VPS13A: variants seen among roughly 807,000 people sequenced by gnomAD.
The protein encoded by VPS13A is intermembrane lipid transfer protein VPS13A.
VPS13A carries 264 observed loss-of-function variants against 390.9 expected under a neutral mutation model. The observed-to-expected ratio is 0.68, with a 90% CI of 0.61 to 0.75. The LOEUF (loss-of-function observed/expected upper bound fraction) is 0.75. Among genes scored for constraint, VPS13A ranks in the 30% least tolerant of loss-of-function variants. VPS13A has a pLI of 0.00. For missense variants in VPS13A, 3,409 were observed against 3,733.9 expected (o/e 0.91, Z 2.27); for synonymous variants, 1,231 against 1,227.1 (o/e 1.00, Z -0.07).
intron 7 of VPS13A, among the ~76,000 whole-genome samples, chr9:77,212,631 CA>C (rs1284860909): frequency 1.3e-5 from 2 of 152,122 alleles, no homozygotes; most frequent in Non-Finnish European, 2.9e-5. Flanking sequence ...CCACTGCACC[CA>C]ATGATACCTG....
rs370945319 is a variant in VPS13A at position 77,359,416 on chromosome 9, T to C, written c.8105+14T>C. ...ATCACGTATTAAGTAAGTGTCTTAATACATTTCTTGTATATTTATTTAATG... is the reference window on the plus strand; with the variant it reads ...ATCACGTATTAAGTAAGTGTCTTAACACATTTCTTGTATATTTATTTAATG... On this transcript the variant is annotated intron_variant, in intron 58 of 71. Coordinates refer to ENST00000360280, the MANE Select transcript of VPS13A (RefSeq NM_033305.3). 3.4e-5 allele frequency: 54 copies of C among 1,595,392 alleles called. No individual in the cohort carries two copies. The highest frequency in any genetic ancestry group is 1.3e-4 in the Admixed American group (8 of 59,922).
At chr9:77,329,638 T>C (rs976248378) in intron 45 of VPS13A, among the ~76,000 whole-genome samples, 3 of 152,198 alleles carry the variant, frequency 2.0e-5, no homozygotes, top group African/African-American at 7.2e-5. Context: ...TACCAAAATA[T>C]GACAGTGAGG....
chr9:77,226,139 T>G, intron 14 of VPS13A, 151 bp downstream of exon 14: 1 of 699,272 alleles, frequency 1.4e-6, no homozygotes, highest in Non-Finnish European at 2.3e-6. Flanking sequence ...TTTAATATTT[T>G]TTGGCACATC....
chr9:77,208,375 T>C (rs1052689134), intron 5 of VPS13A, among the ~76,000 whole-genome samples: 1 of 152,062 alleles, frequency 6.6e-6, no homozygotes, highest in East Asian at 1.9e-4. Flanking sequence ...AAAAGATAGA[T>C]TTATATGTAT....
At chr9:77,340,844 A>G (rs1830769399) in intron 50 of VPS13A, 1 of 336,300 alleles carries the variant, frequency 3.0e-6, no homozygotes, top group African/African-American at 2.1e-5. Flanking sequence ...AATGCACCAA[A>G]GAGAAGGAAA....
chr9:77,411,349 A>G (rs901233971), intron 71 of VPS13A, among the ~76,000 whole-genome samples: 1 of 152,126 alleles, frequency 6.6e-6, no homozygotes, highest in African/African-American at 2.4e-5. Context: ...AAAATCTAAA[A>G]TTGACACCCT....
In VPS13A at chr9:77,177,757, A is replaced by C; in HGVS notation, c.53A>C (p.Tyr18Ser). The change falls in exon 1 of 72, where the codon TAT becomes TCT. Residue 18 changes from tyrosine to serine, a missense_variant. By Grantham distance (144) the Tyr-to-Ser change is moderately radical. Around this residue, in one of 5 missense-constraint regions of VPS13A, gnomAD observed 2,717 missense variants for 2,917.4 expected, o/e 0.93. Coordinates refer to ENST00000360280, the MANE Select transcript of VPS13A (RefSeq NM_033305.3). ...VDVLNRFLGDYVVDLDTSQLS... is the reference protein window; with the variant it reads ...VDVLNRFLGDSVVDLDTSQLS... The stretch of plus-strand genomic sequence containing the variant: ...GTGTTGAACCGGTTCTTGGGGGACT[A>C]TGTGGTGGACTTGGACACGTCCCAG... 2 of 1,613,500 alleles carry C rather than the reference A, an allele frequency of 1.2e-6. No homozygotes were observed. The highest frequency in any genetic ancestry group is 1.7e-6 in the Non-Finnish European group (2 of 1,179,628).
chr9:77,202,583 T>C (rs1277267375), intron 3 of VPS13A, among the ~76,000 whole-genome samples: 1 of 152,176 alleles, frequency 6.6e-6, no homozygotes, highest in African/African-American at 2.4e-5. Flanking sequence ...TACATATTTT[T>C]ATATAACTTT....
rs147414049 is a variant in VPS13A at position 77,333,262 on chromosome 9, T to C, written c.6095+1149T>C. 1.5e-3 allele frequency among the ~76,000 whole-genome samples: 232 copies of C among 152,250 alleles called. 1 individual carries two copies. The highest frequency in any genetic ancestry group is 5.4e-3 in the African/African-American group (223 of 41,562). ...GTCCATAGTAGAGAAAACAGTACCT[T>C]TATACTTTTTCCAAGGCTGAATATT... On this transcript the variant is annotated intron_variant, in intron 46 of 71. Coordinates refer to ENST00000360280, the MANE Select transcript of VPS13A (RefSeq NM_033305.3).
intron 17 of VPS13A, among the ~76,000 whole-genome samples, chr9:77,236,881 C>T (rs1174625625): frequency 6.6e-6 from 1 of 152,022 alleles, no homozygotes; most frequent in Non-Finnish European, 1.5e-5. Flanking sequence ...TCTCCCTGTT[C>T]TTATCAAGTT....
chr9:77,309,108 G>A (rs767637881), intron 35 of VPS13A, among the ~76,000 whole-genome samples: 1 of 152,110 alleles, frequency 6.6e-6, no homozygotes, highest in Non-Finnish European at 1.5e-5. Flanking sequence ...CATTCTAAGA[G>A]GATTTTGAGA....
At chr9:77,210,216 T>TCC in intron 6 of VPS13A, among the ~76,000 whole-genome samples, 2 of 121,728 alleles carry the variant, frequency 1.6e-5, no homozygotes, top group Admixed American at 8.5e-5. Context: ...TCTTCTCCTC[T>TCC]TCTCTCCCCT....
rs776130682 is a variant in VPS13A at position 77,205,959 on chromosome 9, CT to C, written c.284-14del. On this transcript the variant is annotated intron_variant, in intron 4 of 71. Transcript: ENST00000360280. ...AAATTTAAGGTAGTTATGATTCTTC[CT>C]TTTTAATCTTCCTATAGGAATAAAA... 2.0e-6 allele frequency: 3 copies of C among 1,480,672 alleles called. No homozygotes were observed. The highest frequency in any genetic ancestry group is 2.8e-5 in the African/African-American group (2 of 71,138). The allele number at this position is 1,480,672 out of a possible 1,614,324, so 91.7% of individuals were successfully genotyped here. A position where few individuals can be genotyped will look rare whatever the true frequency, so the allele number is the denominator to read the frequency against.
At chr9:77,308,165 C>A in intron 35 of VPS13A, 67 bp downstream of exon 35, 1 of 1,527,300 alleles carries the variant, frequency 6.5e-7, no homozygotes, top group South Asian at 1.1e-5. Context: ...ATCTTCTTCC[C>A]TCCCCTTCCT....
chr9:77,322,166 A>G lies in VPS13A; in HGVS notation c.5830+420A>G, dbSNP rs575628904. 5.8e-4 allele frequency among the ~76,000 whole-genome samples: 88 copies of G among 150,680 alleles called. 2 individuals carry two copies. The highest frequency in any genetic ancestry group is 1.2e-3 in the Admixed American group (18 of 15,132). ...TAAGTGTGAATTCATGCAGATGGCA[A>G]TTTTTAATGGCTTTAGGATTTATAA... On this transcript the variant is annotated intron_variant, in intron 44 of 71. Coordinates refer to ENST00000360280, the MANE Select transcript of VPS13A (RefSeq NM_033305.3).
At chr9:77,405,385 A>G (rs1834556000) in intron 69 of VPS13A, among the ~76,000 whole-genome samples, 1 of 152,186 alleles carries the variant, frequency 6.6e-6, no homozygotes, top group Non-Finnish European at 1.5e-5. Context: ...GTTCCTCCAA[A>G]TATTGGCTGA....
chr9:77,413,482 A>T (rs911950255), intron 71 of VPS13A, among the ~76,000 whole-genome samples: 2 of 152,188 alleles, frequency 1.3e-5, no homozygotes, highest in African/African-American at 2.4e-5. Flanking sequence ...CAAAAACAAG[A>T]AATGGGGAAA....
At chr9:77,397,916 T>C (rs1834185863) in intron 68 of VPS13A, among the ~76,000 whole-genome samples, 1 of 152,172 alleles carries the variant, frequency 6.6e-6, no homozygotes, top group South Asian at 2.1e-4. Context: ...AAAATGTTTT[T>C]CCTTTAACAT....
intron 69 of VPS13A, 132 bp downstream of exon 69, chr9:77,403,453 C>G: frequency 1.3e-6 from 1 of 772,630 alleles, no homozygotes; most frequent in Non-Finnish European, 2.2e-6. Flanking sequence ...CTCCACAAGC[C>G]TAACTCGCTA....
Sources: allele counts gnomAD v4.1 joint callset (sites outside exome capture counted in the v4.1 genomes callset), GRCh38; gene constraint gnomAD v4.1.1; regional missense constraint gnomAD v4.1.1; transcripts MANE v1.5; gene names NCBI Gene and HGNC (gene_info 2026-07-23, HGNC 2026-07-21).